Variants in DLC1 observed in about 807,000 individuals in gnomAD.
The protein encoded by DLC1 is rho GTPase-activating protein 7.
In DLC1, 54 loss-of-function variants were observed where a neutral mutation model predicts 140.3. The ratio of observed to expected loss-of-function variants is 0.38; its 90% CI spans 0.31 to 0.48. The LOEUF (loss-of-function observed/expected upper bound fraction) is 0.48, where lower values mean the gene tolerates loss of function less well. Ranked by LOEUF, DLC1 falls within the 20% of genes least tolerant of loss-of-function variation. DLC1 has a pLI of 0.96. For synonymous variants in DLC1, 986 were observed against 728.1 expected, an observed-to-expected ratio of 1.35 and a Z score of -5.70; for missense variants, 2,536 against 1,907.0, an observed-to-expected ratio of 1.33 and a Z score of -6.14.
At chr8:13,256,730 G>A (rs944838412) in intron 5 of DLC1, among the ~76,000 whole-genome samples, 14 of 151,988 alleles carry the variant, frequency 9.2e-5, no homozygotes, top group African/African-American at 3.4e-4. Context: ...TTGGCGGGTG[G>A]GGGCAAGGGA....
intron 1 of DLC1, among the ~76,000 whole-genome samples, chr8:13,583,575 A>T (rs575718293): frequency 9.4e-4 from 143 of 152,340 alleles, no homozygotes; most frequent in African/African-American, 3.4e-3. Context: ...ATAGGTAAAA[A>T]AATGCAATAT....
At chr8:13,497,610 A>T (rs1473078162) in intron 2 of DLC1, among the ~76,000 whole-genome samples, 1 of 152,162 alleles carries the variant, frequency 6.6e-6, no homozygotes, top group Non-Finnish European at 1.5e-5. Flanking sequence ...TGGTGAGTAT[A>T]TGTTTCTGGA....
chr8:13,449,426 C>G (rs186285081), intron 2 of DLC1, among the ~76,000 whole-genome samples: 1 of 152,080 alleles, frequency 6.6e-6, no homozygotes, highest in Non-Finnish European at 1.5e-5. Flanking sequence ...TTTGTTTTAA[C>G]CCAGAAAGTG....
rs1013309164 is a variant in DLC1 at position 13,579,648 on chromosome 8, TA to T, written c.-126+24888del. 3.8e-3 allele frequency among the ~76,000 whole-genome samples: 523 copies of T among 138,178 alleles called. 8 individuals are homozygous for T. The highest frequency in any genetic ancestry group is 0.012 in the African/African-American group (458 of 36,880). The allele number at this position is 138,178 out of a possible 152,430, so 90.7% of individuals were successfully genotyped here. On this transcript the variant is annotated intron_variant, in intron 1 of 1. Coordinates refer to the DLC1 transcript ENST00000631382. ...TATTTATAATATATTTAATATATTA[TA>T]AAAAATATATACACATACATATGTA...
intron 1 of DLC1, among the ~76,000 whole-genome samples, chr8:13,556,511 A>G (rs977503953): frequency 1.3e-5 from 2 of 152,170 alleles, no homozygotes; most frequent in African/African-American, 2.4e-5. Context: ...CCTTCCTGGT[A>G]CACTGCCTCT....
At chr8:13,534,160 A>G (rs1803191279) in intron 1 of DLC1, among the ~76,000 whole-genome samples, 1 of 152,158 alleles carries the variant, frequency 6.6e-6, no homozygotes, top group Admixed American at 6.5e-5. Flanking sequence ...ATAAAGTGTC[A>G]AATTTATGCC....
At chr8:13,310,184 C>G (rs1022086564) in intron 4 of DLC1, among the ~76,000 whole-genome samples, 1 of 152,140 alleles carries the variant, frequency 6.6e-6, no homozygotes, top group African/African-American at 2.4e-5. Flanking sequence ...ACAAACAGAG[C>G]ACTATCTATT....
At chr8:13,484,579 A>T (rs17093944) in intron 2 of DLC1, among the ~76,000 whole-genome samples, 21,110 of 152,020 alleles carry the variant, frequency 0.14, 1,641 homozygotes, top group East Asian at 0.23. Flanking sequence ...GGAACCGAAC[A>T]CGAGTGATGG....
At chr8:13,109,633 C>T (rs1011907949) in intron 7 of DLC1, among the ~76,000 whole-genome samples, 5 of 151,610 alleles carry the variant, frequency 3.3e-5, no homozygotes, top group Admixed American at 2.6e-4. Flanking sequence ...GCCTGTAATC[C>T]CTGGACTTTG....
At chr8:13,177,782 T>G (rs1471593901) in intron 5 of DLC1, among the ~76,000 whole-genome samples, 1 of 152,156 alleles carries the variant, frequency 6.6e-6, no homozygotes, top group East Asian at 1.9e-4. Flanking sequence ...TAAAAACCAG[T>G]GCTACACCTG....
rs1838724949 is a variant in DLC1 at position 13,428,802 on chromosome 8, C to T, written c.1024-27183G>A. On this transcript the variant is annotated intron_variant, in intron 2 of 17. Coordinates refer to ENST00000276297, the MANE Select transcript of DLC1 (RefSeq NM_182643.3). ...CCTTTGTGTTTTTCTCAATGTATAC[C>T]ATTTTAGGTGGCCCGAGGGTGTTCT... is the stretch of plus-strand genomic sequence containing the variant. Among the ~76,000 whole-genome samples the T allele has an allele frequency of 2.0e-5, 3 of 152,184 alleles. No homozygotes were observed. The South Asian group carries it at 6.2e-4, about 32-fold the overall frequency.
chr8:13,210,556 C>T (rs1827888586), intron 5 of DLC1, among the ~76,000 whole-genome samples: 1 of 152,188 alleles, frequency 6.6e-6, no homozygotes, highest in African/African-American at 2.4e-5. Context: ...AGAGGTCTAT[C>T]TTTCAAAAAC....
intron 4 of DLC1, among the ~76,000 whole-genome samples, chr8:13,386,273 A>C (rs1421005389): frequency 6.6e-6 from 1 of 151,896 alleles, no homozygotes; most frequent in Non-Finnish European, 1.5e-5. Flanking sequence ...TTATGTGTTC[A>C]TTTTTTCCCG....
intron 4 of DLC1, among the ~76,000 whole-genome samples, chr8:13,382,270 G>C (rs1422295202): frequency 6.6e-6 from 1 of 152,004 alleles, no homozygotes; most frequent in Non-Finnish European, 1.5e-5. Context: ...CACTTTGGGA[G>C]GCCGAGGCGG....
chr8:13,569,831 C>G (rs552527749), intron 1 of DLC1, among the ~76,000 whole-genome samples: 2 of 152,330 alleles, frequency 1.3e-5, no homozygotes, highest in South Asian at 4.1e-4. Flanking sequence ...AGGTGATCCT[C>G]TCACCTCAGC....
intron 5 of DLC1, among the ~76,000 whole-genome samples, chr8:13,204,963 A>T (rs569881659): frequency 5.3e-5 from 8 of 152,300 alleles, no homozygotes; most frequent in African/African-American, 1.9e-4. Context: ...CTATGACACT[A>T]ATTGGCTTGC....
At chr8:13,119,562 T>G (rs1820860238) in intron 5 of DLC1, among the ~76,000 whole-genome samples, 2 of 152,186 alleles carry the variant, frequency 1.3e-5, no homozygotes, top group Admixed American at 1.3e-4. Context: ...ATTAGTTCAT[T>G]TACACCTCAC....
chr8:13,104,877 C>T (rs912185803), intron 7 of DLC1, among the ~76,000 whole-genome samples: 4 of 152,186 alleles, frequency 2.6e-5, no homozygotes, highest in Non-Finnish European at 4.4e-5. Flanking sequence ...AGTCTGCACA[C>T]TTTAAAATGA....
chr8:13,206,265 G>A (rs148531520), intron 5 of DLC1, among the ~76,000 whole-genome samples: 207 of 152,200 alleles, frequency 1.4e-3, no homozygotes, highest in African/African-American at 4.7e-3. Flanking sequence ...GTGGTTAGCA[G>A]GCTAAAATAC....
Sources: allele counts gnomAD v4.1 joint callset (sites outside exome capture counted in the v4.1 genomes callset), GRCh38; gene constraint gnomAD v4.1.1; transcripts MANE v1.5; gene names NCBI Gene and HGNC (gene_info 2026-07-23, HGNC 2026-07-21).